Variants in SGCD observed in about 807,000 individuals in gnomAD.
SGCD encodes the protein sarcoglycan delta.
A neutral mutation model predicts 36.6 loss-of-function variants in SGCD; 18 were observed. The observed-to-expected ratio is 0.49, with a 90% CI of 0.34 to 0.73. The LOEUF (loss-of-function observed/expected upper bound fraction) is 0.73, where lower values mean the gene tolerates loss of function less well. Ranked by LOEUF, SGCD falls within the 30% of genes least tolerant of loss-of-function variation. The probability of loss-of-function intolerance (pLI) is 0.01; values close to 1 mark genes in which losing one functional copy is unlikely to be tolerated. For missense variants in SGCD, 387 were observed against 346.7 expected (o/e 1.12, Z -0.92); for synonymous variants, 133 against 130.6 (o/e 1.02, Z -0.12).
At chr5:155,916,318 CTT>C (rs1554104179) in intron 1 of SGCD, among the ~76,000 whole-genome samples, 4 of 152,146 alleles carry the variant, frequency 2.6e-5, no homozygotes, top group Admixed American at 6.5e-5. Context: ...AAAAATAACT[CTT>C]GGGTTTATTC....
chr5:156,577,117 G>A (rs1482569133), intron 4 of SGCD, among the ~76,000 whole-genome samples: 1 of 152,156 alleles, frequency 6.6e-6, no homozygotes, highest in African/African-American at 2.4e-5. Flanking sequence ...AAGGGATCCA[G>A]TTTCAGCTTT....
intron 3 of SGCD, among the ~76,000 whole-genome samples, chr5:156,378,732 G>A (rs1349865084): frequency 6.6e-6 from 1 of 151,948 alleles, no homozygotes; most frequent in Non-Finnish European, 1.5e-5. Context: ...CACTGGTGGT[G>A]AGCTATTAGT....
At chr5:156,579,200 G>A (rs1257506667) in intron 4 of SGCD, among the ~76,000 whole-genome samples, 3 of 152,200 alleles carry the variant, frequency 2.0e-5, no homozygotes, top group African/African-American at 7.2e-5. Flanking sequence ...AGGTTGTTCA[G>A]TTTCCATGTA....
rs75612599 is a variant in SGCD at position 156,317,853 on chromosome 5, T to C, written c.-43-11681T>C. On this transcript the variant is annotated intron_variant, in intron 3 of 9. Transcript: ENST00000517913. Reference sequence around the variant, plus strand: ...ACGATAAGATCTTAGTGAGAGAGGATGAATGAAGTGGCTCAACACCCATGA... The same window carrying C: ...ACGATAAGATCTTAGTGAGAGAGGACGAATGAAGTGGCTCAACACCCATGA... Among the ~76,000 whole-genome samples the C allele has an allele frequency of 5.6e-3, 852 of 152,302 alleles. 6 individuals carry two copies. Among genetic ancestry groups the C allele is most frequent in the African/African-American group, 0.019 (795 of 41,578 alleles).
chr5:155,945,477 C>T (rs73810356), intron 1 of SGCD, among the ~76,000 whole-genome samples: 34,486 of 152,104 alleles, frequency 0.23, 4,522 homozygotes, highest in Admixed American at 0.41. Flanking sequence ...CAAGTAAAAA[C>T]ATCACACCAA....
At chr5:156,338,507 G>A (rs1317611580) in intron 2 of SGCD, among the ~76,000 whole-genome samples, 1 of 152,210 alleles carries the variant, frequency 6.6e-6, no homozygotes, top group Admixed American at 6.5e-5. Flanking sequence ...AGGAAGGAAA[G>A]TCAGCATGGT....
intron 1 of SGCD, among the ~76,000 whole-genome samples, chr5:155,992,213 A>G (rs1758445478): frequency 6.6e-6 from 1 of 152,032 alleles, no homozygotes; most frequent in Non-Finnish European, 1.5e-5. Flanking sequence ...ACCTCTTGAA[A>G]CCTTGTTCCC....
intron 3 of SGCD, among the ~76,000 whole-genome samples, chr5:156,498,404 A>C (rs1756296690): frequency 6.6e-6 from 1 of 152,054 alleles, no homozygotes; most frequent in African/African-American, 2.4e-5. Flanking sequence ...TATTTCTGTC[A>C]CCTCAGTAAA....
chr5:156,606,529 G>A (rs1398537166), intron 6 of SGCD, among the ~76,000 whole-genome samples: 3 of 152,144 alleles, frequency 2.0e-5, no homozygotes, highest in Non-Finnish European at 4.4e-5. Flanking sequence ...GGCAATGTAG[G>A]TTCTTTTTTG....
At chr5:156,386,245 A>G (rs1380754989) in intron 3 of SGCD, among the ~76,000 whole-genome samples, 1 of 152,148 alleles carries the variant, frequency 6.6e-6, no homozygotes, top group Non-Finnish European at 1.5e-5. Flanking sequence ...GTGACAAGGT[A>G]AAGAGGGTGG....
At chr5:156,231,341 C>T (rs1325855330) in intron 3 of SGCD, among the ~76,000 whole-genome samples, 7 of 152,224 alleles carry the variant, frequency 4.6e-5, no homozygotes, top group Non-Finnish European at 1.0e-4. Flanking sequence ...TCGCAAGAAG[C>T]CTGGCCAACA....
chr5:156,274,346 T>C lies in SGCD; in HGVS notation c.-43-55188T>C, dbSNP rs542637598. ...TGCATTATTATACAATGGGAATAAT[T>C]AGTCCCTATTTCTCAGTCTGAGTGG... On this transcript the variant is annotated intron_variant, in intron 3 of 9. Coordinates refer to the SGCD transcript ENST00000517913. Among the ~76,000 whole-genome samples, 3 of 152,270 alleles carry C rather than the reference T, an allele frequency of 2.0e-5. No homozygotes were observed. The East Asian group carries it at 5.8e-4, about 29-fold the overall frequency.
intron 4 of SGCD, among the ~76,000 whole-genome samples, chr5:156,548,045 A>T (rs1035520776): frequency 1.3e-5 from 2 of 152,194 alleles, no homozygotes; most frequent in African/African-American, 4.8e-5. Flanking sequence ...GTATTATAAG[A>T]TGCTATCAGC....
At chr5:156,356,458 A>G (rs548985617) in intron 3 of SGCD, among the ~76,000 whole-genome samples, 1 of 152,162 alleles carries the variant, frequency 6.6e-6, no homozygotes, top group Non-Finnish European at 1.5e-5. Context: ...ACTCTAGAAT[A>G]TATGTTCCAT....
At chr5:155,977,668 C>T (rs1242118006) in intron 1 of SGCD, among the ~76,000 whole-genome samples, 14 of 152,160 alleles carry the variant, frequency 9.2e-5, no homozygotes, top group Admixed American at 9.2e-4. Context: ...GAATATTCAC[C>T]CAGGAGGGGA....
intron 3 of SGCD, among the ~76,000 whole-genome samples, chr5:156,459,675 C>T (rs1400641023): frequency 6.6e-6 from 1 of 152,028 alleles, no homozygotes; most frequent in Non-Finnish European, 1.5e-5. Flanking sequence ...TTTAACATAC[C>T]ATCATTGCAT....
intron 4 of SGCD, among the ~76,000 whole-genome samples, chr5:156,549,796 C>G (rs1414263874): frequency 6.6e-6 from 1 of 152,206 alleles, no homozygotes; most frequent in Non-Finnish European, 1.5e-5. Context: ...TTATGGCTGT[C>G]TAACCATGGT....
chr5:156,395,144 A>G (rs895722727), intron 3 of SGCD, among the ~76,000 whole-genome samples: 1 of 152,222 alleles, frequency 6.6e-6, no homozygotes, highest in Non-Finnish European at 1.5e-5. Context: ...TTGCTGTCGT[A>G]AGAGAGTCAA....
intron 3 of SGCD, among the ~76,000 whole-genome samples, chr5:156,125,193 C>A (rs1328355949): frequency 6.6e-6 from 1 of 152,172 alleles, no homozygotes; most frequent in African/African-American, 2.4e-5. Context: ...AAAAATAATC[C>A]TTCATAACCC....
Sources: allele counts gnomAD v4.1 joint callset (sites outside exome capture counted in the v4.1 genomes callset), GRCh38; gene constraint gnomAD v4.1.1; transcripts MANE v1.5; gene names NCBI Gene and HGNC (gene_info 2026-07-23, HGNC 2026-07-21).